Variants in ZFHX3 observed in about 807,000 individuals in gnomAD.
ZFHX3 encodes zinc finger homeobox protein 3.
Under a neutral mutation model 279.1 loss-of-function variants are expected in ZFHX3, and 42 were observed. The observed-to-expected ratio is 0.15, with a 90% confidence interval of 0.12 to 0.19. The LOEUF is 0.19. Ranked by LOEUF, ZFHX3 falls within the 10% of genes least tolerant of loss-of-function variation. The probability of loss-of-function intolerance (pLI) is 1.00; values close to 1 mark genes in which losing one functional copy is unlikely to be tolerated. For missense variants in ZFHX3, 4,981 were observed against 4,754.0 expected (o/e 1.05, Z -1.40); for synonymous variants, 2,293 against 1,957.8 (o/e 1.17, Z -4.52).
chr16:73,662,426 A>T (rs996714219), intron 2 of ZFHX3, among the ~76,000 whole-genome samples: 4 of 152,176 alleles, frequency 2.6e-5, no homozygotes, highest in African/African-American at 9.7e-5. Flanking sequence ...GACGAGACAC[A>T]TGCACGTATA....
At chr16:73,797,231 C>T (rs1597119888) in intron 1 of ZFHX3, among the ~76,000 whole-genome samples, 1 of 151,940 alleles carries the variant, frequency 6.6e-6, no homozygotes, top group Non-Finnish European at 1.5e-5. Flanking sequence ...ACAACAACAA[C>T]AACAAAACAG....
At chr16:72,950,028 AAAG>A (rs1960903613) in intron 3 of ZFHX3, among the ~76,000 whole-genome samples, 1 of 148,282 alleles carries the variant, frequency 6.7e-6, no homozygotes, top group African/African-American at 2.5e-5. Context: ...TGGATGGATG[AAAG>A]AAGGAAGGGA....
intron 5 of ZFHX3, among the ~76,000 whole-genome samples, chr16:73,225,186 C>G (rs543216121): frequency 6.6e-5 from 10 of 152,278 alleles, no homozygotes; most frequent in Middle Eastern, 6.8e-3. Context: ...ATGTATTACA[C>G]ACTTGGAGAG....
At chr16:72,804,067 T>C (rs2036192557) in intron 7 of ZFHX3, among the ~76,000 whole-genome samples, 1 of 152,202 alleles carries the variant, frequency 6.6e-6, no homozygotes, top group Non-Finnish European at 1.5e-5. Context: ...ACAAACAGGT[T>C]TTCATGCATA....
chr16:73,702,541 C>T (rs776499280), intron 1 of ZFHX3, among the ~76,000 whole-genome samples: 9 of 152,240 alleles, frequency 5.9e-5, no homozygotes, highest in Non-Finnish European at 8.8e-5. Flanking sequence ...GAATAAAAAT[C>T]GCATGAGATT....
chr16:73,722,319 G>C (rs2053481551), intron 1 of ZFHX3, among the ~76,000 whole-genome samples: 1 of 152,188 alleles, frequency 6.6e-6, no homozygotes, highest in Non-Finnish European at 1.5e-5. Flanking sequence ...ATTTGAGCTT[G>C]TGAAAAATGA....
At chr16:73,329,677 T>A (rs1349199871) in intron 3 of ZFHX3, among the ~76,000 whole-genome samples, 1 of 152,208 alleles carries the variant, frequency 6.6e-6, no homozygotes, top group Non-Finnish European at 1.5e-5. Flanking sequence ...AATTAATGAC[T>A]TTTGCTTTGT....
At chr16:73,743,214 G>C (rs1340806846) in intron 1 of ZFHX3, among the ~76,000 whole-genome samples, 1 of 152,110 alleles carries the variant, frequency 6.6e-6, no homozygotes, top group African/African-American at 2.4e-5. Context: ...TGCTACTCTT[G>C]CTTGCAAATA....
At chr16:73,132,253 C>G (rs1016992556) in intron 6 of ZFHX3, among the ~76,000 whole-genome samples, 3 of 152,114 alleles carry the variant, frequency 2.0e-5, no homozygotes, top group Non-Finnish European at 4.4e-5. Context: ...TCACTGCACT[C>G]TAGCCTGGGT....
chr16:73,781,467 G>A (rs192326595), intron 1 of ZFHX3, among the ~76,000 whole-genome samples: 3 of 152,216 alleles, frequency 2.0e-5, no homozygotes, highest in East Asian at 3.9e-4. Context: ...TGTAAGTCAC[G>A]TTTTGTTAGA....
chr16:73,161,152 T>G (rs1183622906), intron 5 of ZFHX3, among the ~76,000 whole-genome samples: 6 of 152,040 alleles, frequency 3.9e-5, no homozygotes, highest in Non-Finnish European at 7.4e-5. Flanking sequence ...TTTTAAACAT[T>G]TTTTTGTAGA....
chr16:73,410,341 G>A (rs1447840378), intron 3 of ZFHX3, among the ~76,000 whole-genome samples: 5 of 152,230 alleles, frequency 3.3e-5, no homozygotes, highest in African/African-American at 9.6e-5. Flanking sequence ...ACTTGAACCC[G>A]GGAGGCAGAG....
intron 3 of ZFHX3, among the ~76,000 whole-genome samples, chr16:73,438,613 G>A (rs1352119573): frequency 6.6e-6 from 1 of 152,202 alleles, no homozygotes; most frequent in Non-Finnish European, 1.5e-5. Context: ...CCTCTGGATT[G>A]TACAAAGTTC....
rs967126857 is a variant in ZFHX3 at position 72,795,993 on chromosome 16, G to A, written c.6689C>T (p.Ser2230Leu). The A allele has an allele frequency of 1.7e-5, 27 of 1,614,040 alleles. No individual in the cohort carries two copies. Among genetic ancestry groups the A allele is most frequent in the Admixed American group, 3.3e-5 (2 of 60,010 alleles). The change falls in exon 9 of 10, where the codon TCG becomes TTG. Residue 2230 changes from serine (S) to leucine (L), a missense_variant. This residue lies in a region of ZFHX3 where 177 missense variants were observed against 244.2 expected (regional missense o/e 0.72). Coordinates refer to ENST00000268489, the MANE Select transcript of ZFHX3 (RefSeq NM_006885.4). ...GTACTCCTGCTTTGGAGGTTCCGGCGAAGGGGGCCGGGAGTCAATCTTGAG... is the reference window on the plus strand; with the variant it reads ...GTACTCCTGCTTTGGAGGTTCCGGCAAAGGGGGCCGGGAGTCAATCTTGAG... ...EELKIDSRPP[S>L]PEPPKQEYWG... is the part of the protein sequence containing the mutation.
intron 1 of ZFHX3, among the ~76,000 whole-genome samples, chr16:72,980,872 A>C (rs1962567743): frequency 6.6e-6 from 1 of 152,226 alleles, no homozygotes; most frequent in African/African-American, 2.4e-5. Context: ...GAACAAATCT[A>C]GCCAAAAGTT....
chr16:73,609,238 A>G (rs761437176), intron 2 of ZFHX3: 1 of 152,224 alleles, frequency 6.6e-6, no homozygotes, highest in South Asian at 2.1e-4. Flanking sequence ...TCATCGCTCC[A>G]TCATTTGATT....
chr16:72,924,937 C>T (rs189916494), intron 3 of ZFHX3, among the ~76,000 whole-genome samples: 1 of 152,270 alleles, frequency 6.6e-6, no homozygotes, highest in East Asian at 1.9e-4. Flanking sequence ...CACCTATAGA[C>T]CCAAAAACGG....
At chr16:73,782,483 G>A (rs751087402) in intron 1 of ZFHX3, among the ~76,000 whole-genome samples, 2 of 152,166 alleles carry the variant, frequency 1.3e-5, no homozygotes, top group African/African-American at 2.4e-5. Flanking sequence ...CTTGAAGGAC[G>A]CTTCAAGCCT....
chr16:73,837,614 G>A (rs890418981), intron 1 of ZFHX3, among the ~76,000 whole-genome samples: 2 of 147,698 alleles, frequency 1.4e-5, no homozygotes, highest in Admixed American at 6.7e-5. Flanking sequence ...TTTCCACATT[G>A]CTGCTATTTT....
Sources: gnomAD v4.1 joint callset for allele counts (sites outside exome capture counted in the v4.1 genomes callset) on GRCh38, gnomAD v4.1.1 for gene constraint, gnomAD v4.1.1 regional missense constraint, MANE v1.5 for transcripts, NCBI Gene and HGNC (gene_info 2026-07-23, HGNC 2026-07-21) for gene names.